DNAJC5: variants seen among roughly 807,000 people sequenced by gnomAD.
DNAJC5 encodes the protein dnaJ homolog subfamily C member 5.
In DNAJC5, 1 loss-of-function variant was observed where a neutral mutation model predicts 23.2. The ratio of observed to expected loss-of-function variants is 0.04; its 90% CI spans 0.02 to 0.20. DNAJC5 has a LOEUF of 0.20. DNAJC5 is among the 10% of genes least tolerant of loss of function. DNAJC5 has a pLI of 1.00. For synonymous variants in DNAJC5, 136 were observed against 120.0 expected, an observed-to-expected ratio of 1.13 and a Z score of -0.87; for missense variants, 180 against 267.0, an observed-to-expected ratio of 0.67 and a Z score of 2.27.
rs779361142 is a variant in DNAJC5, at chr20:63,932,016, T to A, written c.*448T>A. The A allele has an allele frequency of 3.1e-6, 1 of 318,784 alleles. No homozygotes were observed. Among genetic ancestry groups the A allele is most frequent in the Non-Finnish European group, 6.2e-6 (1 of 162,452 alleles). 19.7% of individuals were successfully genotyped at this position (318,784 alleles called of 1,614,324 possible). On this transcript the variant is annotated 3_prime_UTR_variant, in exon 5 of 5. Transcript: ENST00000360864. This position sits in a 1 kb window ranked among gnomAD's most constrained non-coding sequence, Gnocchi z 4.4. ...GCTGCCTGGCAGAGCTGTGTTACCG[T>A]CTTGGCCTCGGGGTCTGGTCCACAC...
At chr20:63,915,263 A>G (rs2247381) in intron 1 of DNAJC5, among the ~76,000 whole-genome samples, 52,295 of 151,990 alleles carry the variant, frequency 0.34, 10,741 homozygotes, top group East Asian at 0.81. Context: ...AAAAAAGGGG[A>G]AAAACAGATT....
rs1028442382 is a variant in DNAJC5 at position 63,920,154 on chromosome 20, G to A, written c.-11-8181G>A. ...AAGAGGACGCACAGGACAGCGCCAC[G>A]GAAGAGGACGCACCCGGCTGTGTGG... On this transcript the variant is annotated intron_variant, in intron 1 of 4. Transcript: ENST00000360864. This position sits in a 1 kb window ranked among gnomAD's most constrained non-coding sequence, Gnocchi z 4.6. Among the ~76,000 whole-genome samples, 2 of 152,114 alleles carry A rather than the reference G, an allele frequency of 1.3e-5. No individual in the cohort carries two copies. Among genetic ancestry groups the A allele is most frequent in the South Asian group, 2.1e-4 (1 of 4,830 alleles).
At chr20:63,915,470 A>G (rs1002030855) in intron 1 of DNAJC5, among the ~76,000 whole-genome samples, 3 of 152,080 alleles carry the variant, frequency 2.0e-5, no homozygotes, top group African/African-American at 7.2e-5. Flanking sequence ...ACACCATAAT[A>G]AGTAAAAAAA....
chr20:63,921,717 C>T (rs890956083), intron 1 of DNAJC5, among the ~76,000 whole-genome samples: 2 of 152,130 alleles, frequency 1.3e-5, no homozygotes, highest in African/African-American at 4.8e-5. Flanking sequence ...CGTGTAGCTG[C>T]GGCTGCACAC....
chr20:63,930,547 C>T (rs1172777939), intron 3 of DNAJC5, among the ~76,000 whole-genome samples: 3 of 152,198 alleles, frequency 2.0e-5, no homozygotes, highest in Non-Finnish European at 4.4e-5. Flanking sequence ...CAGGGTTTCA[C>T]CGTGTTAGCC....
intron 1 of DNAJC5, among the ~76,000 whole-genome samples, chr20:63,908,249 C>G (rs2053459885): frequency 6.6e-6 from 1 of 152,230 alleles, no homozygotes; most frequent in African/African-American, 2.4e-5. Context: ...CCAGCCATCA[C>G]CCCAGGGTGA....
At chr20:63,918,523 T>C (rs1333545305) in intron 1 of DNAJC5, among the ~76,000 whole-genome samples, 3 of 152,246 alleles carry the variant, frequency 2.0e-5, no homozygotes, top group Admixed American at 2.0e-4. Context: ...TTCCAAGTTA[T>C]TGATAATTTT....
At chr20:63,914,427 G>A (rs1473846561) in intron 1 of DNAJC5, among the ~76,000 whole-genome samples, 5 of 151,686 alleles carry the variant, frequency 3.3e-5, no homozygotes, top group African/African-American at 7.3e-5. Flanking sequence ...CGATTCTCCC[G>A]CCTCAGTCTT....
chr20:63,921,009 G>T (rs2053566818), intron 1 of DNAJC5, among the ~76,000 whole-genome samples: 1 of 151,990 alleles, frequency 6.6e-6, no homozygotes, highest in Non-Finnish European at 1.5e-5. Context: ...ACGCAGACTG[G>T]AGTGCAACGG....
At chr20:63,922,154 G>C (rs866457947) in intron 1 of DNAJC5, among the ~76,000 whole-genome samples, 1 of 151,920 alleles carries the variant, frequency 6.6e-6, no homozygotes, top group African/African-American at 2.4e-5. Context: ...GCAAACTCCC[G>C]GACTCATTAC....
At chr20:63,897,935 C>G (rs948720664) in intron 1 of DNAJC5, among the ~76,000 whole-genome samples, 4 of 152,174 alleles carry the variant, frequency 2.6e-5, no homozygotes, top group Non-Finnish European at 4.4e-5. Flanking sequence ...GTTGTATTAA[C>G]GTGGTTCAGA....
At position 63,928,542 on chromosome 20, in the gene DNAJC5, C is replaced by G. The variant is rs1429721674; in HGVS notation, c.107+90C>G. 9.1e-7 allele frequency: 1 copy of G among 1,100,262 alleles called. No individual in the cohort carries two copies. Among genetic ancestry groups the G allele is most frequent in the Non-Finnish European group, 1.4e-6 (1 of 721,880 alleles). The allele number at this position is 1,100,262 out of a possible 1,614,324, so 68.2% of individuals were successfully genotyped here. The stretch of plus-strand genomic sequence containing the variant: ...CTGCATTTTACCAAGAACCATTGCA[C>G]ATACTTTATCCTGGCCGACTCAGCG... On this transcript the variant is annotated intron_variant, in intron 2 of 4. Coordinates refer to ENST00000360864, the MANE Select transcript of DNAJC5 (RefSeq NM_025219.3). The surrounding 1 kb of genome is among the most constrained non-coding windows in gnomAD (Gnocchi z 4.6).
In DNAJC5 at chr20:63,931,930, G is replaced by T; in HGVS notation, c.*362G>T. ...GTGAGGGGTGACTGCAGCCGGTCAGGTGGGCGAGGAGAAGGGGGGCTGCCC... is the reference window on the plus strand; with the variant it reads ...GTGAGGGGTGACTGCAGCCGGTCAGTTGGGCGAGGAGAAGGGGGGCTGCCC... On this transcript the variant is annotated 3_prime_UTR_variant, in exon 5 of 5. Transcript: ENST00000360864. The surrounding 1 kb of genome is among the most constrained non-coding windows in gnomAD (Gnocchi z 9.6). The T allele has an allele frequency of 5.5e-6, 2 of 366,834 alleles. No homozygotes were observed. Among genetic ancestry groups the T allele is most frequent in the South Asian group, 4.4e-5 (2 of 45,434 alleles). 22.7% of individuals were successfully genotyped at this position (366,834 alleles called of 1,614,324 possible).
chr20:63,909,260 G>T (rs1329815517), intron 1 of DNAJC5: 1 of 152,090 alleles, frequency 6.6e-6, no homozygotes, highest in South Asian at 2.1e-4. Context: ...TGAAAATTGG[G>T]AGGCCGAGGC....
At chr20:63,899,460 C>T (rs1321484641) in intron 1 of DNAJC5, among the ~76,000 whole-genome samples, 1 of 152,196 alleles carries the variant, frequency 6.6e-6, no homozygotes, top group Non-Finnish European at 1.5e-5. Flanking sequence ...CTGCTTTATT[C>T]TTGGTACATC....
At chr20:63,900,853 A>C (rs1235690485) in intron 1 of DNAJC5, among the ~76,000 whole-genome samples, 1 of 152,212 alleles carries the variant, frequency 6.6e-6, no homozygotes, top group East Asian at 1.9e-4. Flanking sequence ...TCATGGGTTT[A>C]TAATTGTATT....
Position 63,931,585 on chromosome 20 carries a change from G to C in DNAJC5, c.*17G>C. The C allele has an allele frequency of 6.5e-7, 1 of 1,545,400 alleles. No individual in the cohort carries two copies. Among genetic ancestry groups the C allele is most frequent in the Non-Finnish European group, 8.7e-7 (1 of 1,148,454 alleles). On this transcript the variant is annotated 3_prime_UTR_variant, in exon 5 of 5. Coordinates refer to ENST00000360864, the MANE Select transcript of DNAJC5 (RefSeq NM_025219.3). This position sits in a 1 kb window ranked among gnomAD's most constrained non-coding sequence, Gnocchi z 9.6. ...TTCAACTAAATCCAGGAGGAGCTGT[G>C]GTCAGAGGAGGAGCCGGCGCCTGGC... is the stretch of plus-strand genomic sequence containing the variant.
At chr20:63,896,176 C>G (rs537590116) in intron 1 of DNAJC5, among the ~76,000 whole-genome samples, 1 of 152,136 alleles carries the variant, frequency 6.6e-6, no homozygotes, top group Non-Finnish European at 1.5e-5. Context: ...TTACATTGCT[C>G]CCACTATTGT....
chr20:63,925,502 A>G (rs2146299578), intron 1 of DNAJC5, among the ~76,000 whole-genome samples: 1 of 150,610 alleles, frequency 6.6e-6, no homozygotes, highest in South Asian at 2.1e-4. Flanking sequence ...AAATTAGGAA[A>G]GGGTAGGTAT....
Sources: gnomAD v4.1 joint callset for allele counts (sites outside exome capture counted in the v4.1 genomes callset) on GRCh38, gnomAD v4.1.1 for gene constraint, Gnocchi (gnomAD v3.1) non-coding constraint, MANE v1.5 for transcripts, NCBI Gene and HGNC (gene_info 2026-07-23, HGNC 2026-07-21) for gene names.